Variants in MPV17L2 observed in about 807,000 individuals in gnomAD.
MPV17L2 encodes the protein MPV17 mitochondrial inner membrane protein like 2, also known as mpv17-like protein 2.
In MPV17L2, 25 loss-of-function variants were observed where a neutral mutation model predicts 24.2. That is an observed-to-expected ratio of 1.03 (90% CI 0.75 to 1.44). MPV17L2 has a LOEUF of 1.44. Among genes scored for constraint, MPV17L2 ranks in the 40% most tolerant of loss-of-function variants. The probability of loss-of-function intolerance (pLI) is 0.00; values close to 1 mark genes in which losing one functional copy is unlikely to be tolerated. For missense variants in MPV17L2, 271 were observed against 276.2 expected, an observed-to-expected ratio of 0.98 and a Z score of 0.13; for synonymous variants, 130 against 121.4, an observed-to-expected ratio of 1.07 and a Z score of -0.46.
At chr19:18,195,974 CAGA>C in intron 4 of MPV17L2, 22 bp from the exon 5 acceptor site, 2 of 1,586,332 alleles carry the variant, frequency 1.3e-6, no homozygotes, top group Non-Finnish European at 1.7e-6. Context: ...GGCTTCTGAC[CAGA>C]TGCCTTGTCT....
chr19:18,194,723 T>A (rs946145819), intron 2 of MPV17L2, 54 bp from the exon 3 acceptor site: 1 of 1,500,288 alleles, frequency 6.7e-7, no homozygotes, highest in Admixed American at 1.9e-5. Context: ...CATCTTGTCG[T>A]CTCAACAGTA....
chr19:18,196,143 C>T lies in MPV17L2; in HGVS notation c.*88C>T, dbSNP rs762235041. ...GGGGAATGGGCTCCTGCAGCAAGCT[C>T]GGGTCTTGAGCCACGTCCCAGCACC... is the stretch of plus-strand genomic sequence containing the variant. On this transcript the variant is annotated 3_prime_UTR_variant, in exon 5 of 5. Transcript: ENST00000599612. The T allele has an allele frequency of 1.1e-5, 17 of 1,602,978 alleles. No individual in the cohort carries two copies. The highest frequency in any genetic ancestry group is 3.4e-5 in the Admixed American group (2 of 58,798).
chr19:18,194,725 T>C, intron 2 of MPV17L2, 52 bp from the exon 3 acceptor site: 1 of 1,515,446 alleles, frequency 6.6e-7, no homozygotes, highest in Non-Finnish European at 9.0e-7. Context: ...TCTTGTCGTC[T>C]CAACAGTACT....
intron 4 of MPV17L2, among the ~76,000 whole-genome samples, chr19:18,195,348 C>T (rs1967494541): frequency 6.6e-6 from 1 of 150,568 alleles, no homozygotes; most frequent in Non-Finnish European, 1.5e-5. Flanking sequence ...AGTTAGAGAG[C>T]AGACTGGGCA....
Position 18,196,044 on chromosome 19 carries a change from C to T in MPV17L2, c.610C>T (p.Arg204Ter), listed in dbSNP as rs769527803. The T allele has an allele frequency of 1.1e-5, 18 of 1,613,814 alleles. No homozygotes were observed. Among genetic ancestry groups the T allele is most frequent in the South Asian group, 8.8e-5 (8 of 91,066 alleles). Residue 204 changes from arginine to a stop codon, truncating the protein, a stop_gained, in exon 5 of 5, where the codon CGA becomes TGA. Transcript: ENST00000599612. LOFTEE classifies it high-confidence loss of function. ...TPPGCVALDT[R>*]AD ...CCCAGGCTGTGTGGCCCTGGACACC[C>T]GAGCAGACTGAACTGTCTGCTTCCT...
intron 2 of MPV17L2, 99 bp downstream of exon 2, chr19:18,194,133 C>T (rs1044532359): frequency 7.2e-7 from 1 of 1,396,618 alleles, no homozygotes; most frequent in African/African-American, 1.4e-5. Flanking sequence ...TTCCAATTTG[C>T]CCCCTGTTTG....
rs960916765 is a variant in MPV17L2, at chr19:18,193,247, A to T, written c.-35A>T. The T allele has an allele frequency of 1.5e-5, 22 of 1,446,568 alleles. 1 individual carries two copies. Among genetic ancestry groups the T allele is most frequent in the African/African-American group, 3.0e-5 (2 of 67,220 alleles). 89.6% of individuals were successfully genotyped at this position (1,446,568 alleles called of 1,614,324 possible). ...CGCGACTGGTCGGCGCGGCGAAAGCAGAGCGGCGCGCCGGTTCCTTGGTTC... is the reference window on the plus strand; with the variant it reads ...CGCGACTGGTCGGCGCGGCGAAAGCTGAGCGGCGCGCCGGTTCCTTGGTTC... On this transcript the variant is annotated 5_prime_UTR_variant, in exon 1 of 5. Coordinates refer to ENST00000599612, the MANE Select transcript of MPV17L2 (RefSeq NM_032683.3).
intron 4 of MPV17L2, 110 bp from the exon 5 acceptor site, chr19:18,195,889 G>A (rs1311650024): frequency 1.9e-6 from 2 of 1,028,514 alleles, no homozygotes; most frequent in African/African-American, 1.6e-5. Context: ...ACCTCAGCCC[G>A]GTCCCTGCCA....
Position 18,193,231 on chromosome 19 carries a change from T to TCGGCGCGGCGAAAGCAGAG in MPV17L2, c.-43_-25dup. On this transcript the variant is annotated 5_prime_UTR_variant, in exon 1 of 5. Transcript: ENST00000599612. Reference sequence around the variant, plus strand: ...GGGATCGACAGTGACTCGCGACTGGTCGGCGCGGCGAAAGCAGAGCGGCGC... The same window carrying TCGGCGCGGCGAAAGCAGAG: ...GGGATCGACAGTGACTCGCGACTGGTCGGCGCGGCGAAAGCAGAGCGGCGCGGCGAAAGCAGAGCGGCGC... 7.0e-7 allele frequency: 1 copy of TCGGCGCGGCGAAAGCAGAG among 1,419,162 alleles called. No homozygotes were observed. Among genetic ancestry groups the TCGGCGCGGCGAAAGCAGAG allele is most frequent in the Non-Finnish European group, 9.1e-7 (1 of 1,093,020 alleles). The allele number at this position is 1,419,162 out of a possible 1,614,324, so 87.9% of individuals were successfully genotyped here. A position where few individuals can be genotyped will look rare whatever the true frequency, so the allele number is the denominator to read the frequency against.
At chr19:18,193,768 C>G in intron 1 of MPV17L2, 96 bp from the exon 2 acceptor site, 2 of 1,544,668 alleles carry the variant, frequency 1.3e-6, no homozygotes, top group Non-Finnish European at 1.7e-6. Flanking sequence ...TCCGGGATGG[C>G]ATTGGGCTTA....
intron 2 of MPV17L2, 153 bp downstream of exon 2, chr19:18,194,187 G>T: frequency 1.3e-6 from 1 of 792,098 alleles, no homozygotes; most frequent in Non-Finnish European, 2.0e-6. Context: ...GGACAGGACG[G>T]ACTCGGCCGA....
chr19:18,196,097 G>A lies in MPV17L2; in HGVS notation c.*42G>A, dbSNP rs578108722. 38 of 1,613,466 alleles carry A rather than the reference G, an allele frequency of 2.4e-5. No homozygotes were observed. Among genetic ancestry groups the A allele is most frequent in the Non-Finnish European group, 2.9e-5 (34 of 1,179,918 alleles). On this transcript the variant is annotated 3_prime_UTR_variant, in exon 5 of 5. Transcript: ENST00000599612. Reference sequence around the variant, plus strand: ...ACCAGATGCAAGACTGTCTCCTGGCGGACCACCCCCTCTGACAGAAGGGGA... The same window carrying A: ...ACCAGATGCAAGACTGTCTCCTGGCAGACCACCCCCTCTGACAGAAGGGGA...
chr19:18,193,446 G>A lies in MPV17L2; in HGVS notation c.165G>A (p.Gln55=). The part of the protein sequence containing the change: ...QSWEIRARPG[Q]VFDPRRSASM... ...GGGAGATCCGCGCCCGGCCCGGCCA[G>A]GTTTTCGACCCACGGCGCTCCGGTG... is the stretch of plus-strand genomic sequence containing the variant. The change falls in exon 1 of 5, where the codon CAG becomes CAA. Residue 55 remains glutamine, a synonymous_variant. Coordinates refer to ENST00000599612, the MANE Select transcript of MPV17L2 (RefSeq NM_032683.3). 2 of 1,542,654 alleles carry A rather than the reference G, an allele frequency of 1.3e-6. No homozygotes were observed. Among genetic ancestry groups the A allele is most frequent in the Non-Finnish European group, 1.7e-6 (2 of 1,155,538 alleles).
Position 18,194,628 on chromosome 19 carries a change from T to C in MPV17L2, c.359-149T>C, listed in dbSNP as rs998990483. ...ACCAGCTACCCTAATTCTCTGTCCATCCCATCTGAAAGTCCCTGTCCCTCT... is the reference window on the plus strand; with the variant it reads ...ACCAGCTACCCTAATTCTCTGTCCACCCCATCTGAAAGTCCCTGTCCCTCT... On this transcript the variant is annotated intron_variant, in intron 2 of 4. Transcript: ENST00000599612. 1.6e-5 allele frequency: 10 copies of C among 641,700 alleles called. No individual in the cohort carries two copies. The Admixed American group carries it at 1.7e-4, about 11-fold the overall frequency. 39.8% of individuals were successfully genotyped at this position (641,700 alleles called of 1,614,324 possible). A position where few individuals can be genotyped will look rare whatever the true frequency, so the allele number is the denominator to read the frequency against.
intron 3 of MPV17L2, 41 bp from the exon 4 acceptor site, chr19:18,194,917 C>G (rs1323771760): frequency 6.3e-7 from 1 of 1,596,834 alleles, no homozygotes; most frequent in Non-Finnish European, 8.5e-7. Context: ...CGCCCCCGCC[C>G]AGCTCTGGCC....
Position 18,193,466 on chromosome 19 carries a change from C to T in MPV17L2, c.185C>T (p.Ser62Phe), listed in dbSNP as rs757024110. Residue 62 changes from serine (S) to phenylalanine (F), a missense_variant and splice_region_variant, in exon 1 of 5, where the codon TCC (serine) becomes TTC (phenylalanine). By Grantham distance (155) the Ser-to-Phe change is radical. Coordinates refer to ENST00000599612, the MANE Select transcript of MPV17L2 (RefSeq NM_032683.3). ...RPGQVFDPRR[S>F]ASMFAVGCSM... ...GGCCAGGTTTTCGACCCACGGCGCTCCGGTGAGGACGCCACGCTGCTTAGT... is the reference window on the plus strand; with the variant it reads ...GGCCAGGTTTTCGACCCACGGCGCTTCGGTGAGGACGCCACGCTGCTTAGT... 1.3e-6 allele frequency: 2 copies of T among 1,516,976 alleles called. No individual in the cohort carries two copies. The highest frequency in any genetic ancestry group is 2.5e-5 in the South Asian group (2 of 78,752). 94.0% of individuals were successfully genotyped at this position (1,516,976 alleles called of 1,614,324 possible). A position where few individuals can be genotyped will look rare whatever the true frequency, so the allele number is the denominator to read the frequency against.
chr19:18,193,933 T>C lies in MPV17L2; in HGVS notation c.257T>C (p.Leu86Pro), dbSNP rs1967467249. The C allele has an allele frequency of 3.7e-6, 6 of 1,614,118 alleles. No homozygotes were observed. The highest frequency in any genetic ancestry group is 5.1e-6 in the Non-Finnish European group (6 of 1,180,044). Reference sequence around the variant, plus strand: ...TACTGGTACTTGTCGCTGGACCGCCTATTCCCTGCGTCTGGCCTCCGAGGC... The same window carrying C: ...TACTGGTACTTGTCGCTGGACCGCCCATTCCCTGCGTCTGGCCTCCGAGGC... ...LHYWYLSLDR[L>P]FPASGLRGFP... is the part of the protein sequence containing the mutation. The change falls in exon 2 of 5, where the codon CTA (leucine) becomes CCA (proline). Residue 86 changes from leucine to proline, a missense_variant. By Grantham distance (98) the Leu-to-Pro change is moderately conservative. Transcript: ENST00000599612.
At chr19:18,195,778 A>G (rs937178971) in intron 4 of MPV17L2, among the ~76,000 whole-genome samples, 23 of 152,178 alleles carry the variant, frequency 1.5e-4, no homozygotes, top group Admixed American at 1.5e-3. Flanking sequence ...CGAAGCTTGC[A>G]GTGAGCCGAG....
At position 18,196,472 on chromosome 19, in the gene MPV17L2, C is replaced by G; in HGVS notation, c.*417C>G. On this transcript the variant is annotated 3_prime_UTR_variant, in exon 5 of 5. Transcript: ENST00000599612. ...ATGACTGATCCCCTCAGAGCAGGCT[C>G]AGGCCTGGAGTCGGCCCCCAAAAGT... The G allele has an allele frequency of 7.8e-7, 1 of 1,288,858 alleles. No homozygotes were observed. The highest frequency in any genetic ancestry group is 1.2e-5 in the South Asian group (1 of 80,844). 79.8% of individuals were successfully genotyped at this position (1,288,858 alleles called of 1,614,324 possible).
Sources: allele counts gnomAD v4.1 joint callset (sites outside exome capture counted in the v4.1 genomes callset), GRCh38; gene constraint gnomAD v4.1.1; transcripts MANE v1.5; gene names NCBI Gene and HGNC (gene_info 2026-07-23, HGNC 2026-07-21).